SYNE2: variants seen among roughly 807,000 people sequenced by gnomAD.
SYNE2 encodes the protein nesprin-2.
In SYNE2, 431 loss-of-function variants were observed where a neutral mutation model predicts 856.3. That is an observed-to-expected ratio of 0.50 (90% CI 0.47 to 0.55). SYNE2 has a LOEUF of 0.55. Ranked by LOEUF, SYNE2 falls within the 20% of genes least tolerant of loss-of-function variation. SYNE2 has a pLI of 0.00. For synonymous variants in SYNE2, 2,923 were observed against 2,872.3 expected (o/e 1.02, Z -0.56); for missense variants, 8,129 against 8,023.2 (o/e 1.01, Z -0.50).
intron 43 of SYNE2, 73 bp from the exon 44 acceptor site, chr14:64,029,822 T>C (rs2097017385): frequency 6.8e-7 from 1 of 1,477,118 alleles, no homozygotes; most frequent in Non-Finnish European, 9.3e-7. Context: ...TATTTATTAG[T>C]CATTTAATTA....
At chr14:63,871,207 T>A (rs1438813090) in intron 1 of SYNE2, among the ~76,000 whole-genome samples, 1 of 141,384 alleles carries the variant, frequency 7.1e-6, no homozygotes, top group Non-Finnish European at 1.6e-5. Flanking sequence ...GAGATTTGAA[T>A]TTTTTTTTTT....
At chr14:64,047,193 G>C (rs1274077188) in intron 45 of SYNE2, among the ~76,000 whole-genome samples, 1 of 152,214 alleles carries the variant, frequency 6.6e-6, no homozygotes, top group Non-Finnish European at 1.5e-5. Context: ...GAAGCTGGAG[G>C]GGGGATGGGA....
intron 11 of SYNE2, among the ~76,000 whole-genome samples, chr14:63,970,666 T>C (rs1178152624): frequency 6.9e-6 from 1 of 144,668 alleles, no homozygotes; most frequent in African/African-American, 2.6e-5. Flanking sequence ...TTTTTTTTTT[T>C]TTTTTGAGAT....
rs144605670 is a variant in SYNE2, at chr14:64,152,705, G to A, written c.15781G>A (p.Val5261Ile). 729 of 1,614,082 alleles carry A rather than the reference G, an allele frequency of 4.5e-4. 6 individuals are homozygous for A. The African/African-American group carries it at 9.0e-3, about 20-fold the overall frequency. The change falls in exon 85 of 116, where the codon GTT (valine) becomes ATT (isoleucine). Residue 5261 changes from valine to isoleucine, a missense_variant. This residue lies in a region of SYNE2 where 5,410 missense variants were observed against 5,284.8 expected (regional missense o/e 1.02). Transcript: ENST00000555002. ...TGAGTTATTTCAAAAGAGAAGCAGT[G>A]TTCTCACTCAGGTACTAGAATTCAT... is the stretch of plus-strand genomic sequence containing the variant. ...IDELFQKRSS[V>I]LTQVNQLKTS...
At position 64,021,965 on chromosome 14, in the gene SYNE2, G is replaced by T. The variant is rs771025825; in HGVS notation, c.5461G>T (p.Val1821Phe). The T allele has an allele frequency of 6.2e-7, 1 of 1,613,830 alleles. No homozygotes were observed. The highest frequency in any genetic ancestry group is 1.1e-5 in the South Asian group (1 of 91,082). Residue 1821 changes from valine to phenylalanine, a missense_variant, in exon 37 of 116, where the codon GTC (valine) becomes TTC (phenylalanine). Coordinates refer to ENST00000555002, the MANE Select transcript of SYNE2 (RefSeq NM_182914.3). ...LSELKKQYES[V>F]SDLFNTKKSV... is the part of the protein sequence containing the mutation. The stretch of plus-strand genomic sequence containing the variant: ...TGAATTGAAAAAGCAATATGAAAGT[G>T]TCAGTGATTTATTTAATACCAAAAA...
intron 101 of SYNE2, 45 bp from the exon 102 acceptor site, chr14:64,209,383 G>A: frequency 6.2e-7 from 1 of 1,614,142 alleles, no homozygotes; most frequent in South Asian, 1.1e-5. Flanking sequence ...CAAAAGCACA[G>A]GCTTGGAGGG....
intron 50 of SYNE2, 84 bp downstream of exon 50, chr14:64,062,979 T>C (rs2097329325): frequency 8.7e-6 from 13 of 1,498,638 alleles, no homozygotes; most frequent in Admixed American, 5.1e-5. Flanking sequence ...AATGTGGTCC[T>C]GTTAAGACGC....
intron 1 of SYNE2, among the ~76,000 whole-genome samples, chr14:63,782,776 G>A (rs1272172396): frequency 6.6e-6 from 1 of 151,594 alleles, no homozygotes; most frequent in Non-Finnish European, 1.5e-5. Context: ...AAACATGACA[G>A]AATATTCACA....
intron 59 of SYNE2, among the ~76,000 whole-genome samples, chr14:64,090,460 C>A (rs1056191497): frequency 1.1e-4 from 16 of 152,158 alleles, no homozygotes; most frequent in African/African-American, 3.6e-4. Flanking sequence ...CAGTTCTGTT[C>A]AAGTCAGTAA....
chr14:64,044,790 A>G lies in SYNE2; in HGVS notation c.7222-3210A>G, dbSNP rs1379177630. Among the ~76,000 whole-genome samples the G allele has an allele frequency of 2.0e-5, 3 of 152,104 alleles. 1 individual carries two copies. The South Asian group carries it at 6.2e-4, about 32-fold the overall frequency. ...CTGCCTGCCGCCATTCATGTAAGATATGACTTACTCCTTGCCTTCCGCCAT... is the reference window on the plus strand; with the variant it reads ...CTGCCTGCCGCCATTCATGTAAGATGTGACTTACTCCTTGCCTTCCGCCAT... On this transcript the variant is annotated intron_variant, in intron 45 of 115. Transcript: ENST00000555002.
intron 96 of SYNE2, among the ~76,000 whole-genome samples, chr14:64,186,188 A>T (rs919378002): frequency 1.3e-5 from 2 of 152,194 alleles, no homozygotes; most frequent in Non-Finnish European, 2.9e-5. Context: ...AATCAGAGCT[A>T]CCTGAGGAAA....
At chr14:63,775,931 C>G (rs139893611) in intron 1 of SYNE2, among the ~76,000 whole-genome samples, 26 of 152,268 alleles carry the variant, frequency 1.7e-4, no homozygotes, top group African/African-American at 6.0e-4. Flanking sequence ...TACCATTAGA[C>G]GCATACAGAG....
intron 78 of SYNE2, 115 bp from the exon 79 acceptor site, chr14:64,137,672 A>C: frequency 9.4e-7 from 1 of 1,066,426 alleles, no homozygotes; most frequent in South Asian, 1.4e-5. Flanking sequence ...AATGTTGGGA[A>C]AGTGTTACTG....
intron 1 of SYNE2, among the ~76,000 whole-genome samples, chr14:63,779,484 A>T (rs1322683469): frequency 1.3e-5 from 2 of 151,434 alleles, no homozygotes; most frequent in African/African-American, 4.8e-5. Flanking sequence ...AGCTGCAAAA[A>T]CCTCAGAGCT....
At chr14:64,000,410 C>A in intron 27 of SYNE2, 152 bp from the exon 28 acceptor site, 1 of 688,626 alleles carries the variant, frequency 1.5e-6, no homozygotes, top group South Asian at 1.7e-5. Flanking sequence ...GGATAGTTCA[C>A]TTGTAGGTGG....
intron 1 of SYNE2, among the ~76,000 whole-genome samples, chr14:63,789,729 G>GT (rs1475703230): frequency 6.6e-6 from 1 of 151,656 alleles, no homozygotes; most frequent in African/African-American, 2.4e-5. Flanking sequence ...AATGAGCTGA[G>GT]ATCGTGCCAC....
In SYNE2 at chr14:64,113,460, C is replaced by A. The variant is rs2097828683; in HGVS notation, c.12729C>A (p.Thr4243=). The A allele has an allele frequency of 6.2e-7, 1 of 1,613,992 alleles. No individual in the cohort carries two copies. Among genetic ancestry groups the A allele is most frequent in the African/African-American group, 1.3e-5 (1 of 74,898 alleles). ...EPTEVLHACK[T]QVAELELWLQ... ...CAGAAGTCCTGCATGCCTGCAAGACCCAGGTGGCCGAGCTGGAGCTGTGGC... is the reference window on the plus strand; with the variant it reads ...CAGAAGTCCTGCATGCCTGCAAGACACAGGTGGCCGAGCTGGAGCTGTGGC... The change falls in exon 66 of 116, where the codon ACC becomes ACA. Residue 4243 remains threonine, a synonymous_variant. Transcript: ENST00000555002.
chr14:63,788,750 G>C (rs1380180837), intron 1 of SYNE2, among the ~76,000 whole-genome samples: 1 of 152,218 alleles, frequency 6.6e-6, no homozygotes, highest in Non-Finnish European at 1.5e-5. Flanking sequence ...CATAATGTTC[G>C]TACACTGATG....
intron 1 of SYNE2, among the ~76,000 whole-genome samples, chr14:63,806,859 C>A (rs1595128333): frequency 1.3e-5 from 2 of 150,456 alleles, no homozygotes; most frequent in East Asian, 3.9e-4. Flanking sequence ...TCCTATTTTT[C>A]CTTTTTAAAC....
Sources: allele counts gnomAD v4.1 joint callset (sites outside exome capture counted in the v4.1 genomes callset), GRCh38; gene constraint gnomAD v4.1.1; regional missense constraint gnomAD v4.1.1; transcripts MANE v1.5; gene names NCBI Gene and HGNC (gene_info 2026-07-23, HGNC 2026-07-21).